CTBP2: variants seen among roughly 807,000 people sequenced by gnomAD.
The protein encoded by CTBP2 is C-terminal-binding protein 2.
CTBP2 carries 30 observed loss-of-function variants against 80.3 expected under a neutral mutation model. That is an observed-to-expected ratio of 0.37 (90% CI 0.28 to 0.51). The LOEUF is 0.51. Ranked by LOEUF, CTBP2 falls within the 20% of genes least tolerant of loss-of-function variation. The pLI is 0.93. For synonymous variants in CTBP2, 594 were observed against 587.4 expected, an observed-to-expected ratio of 1.01 and a Z score of -0.16; for missense variants, 1,212 against 1,375.3, an observed-to-expected ratio of 0.88 and a Z score of 1.88.
intron 2 of CTBP2, among the ~76,000 whole-genome samples, chr10:125,063,060 C>T (rs566215616): frequency 3.9e-5 from 6 of 152,280 alleles, no homozygotes; most frequent in Admixed American, 3.9e-4. Context: ...TCCCCAGCAG[C>T]GAGGCAGGGC....
chr10:125,014,189 G>A (rs1956234722), intron 1 of CTBP2, among the ~76,000 whole-genome samples: 1 of 152,240 alleles, frequency 6.6e-6, no homozygotes, highest in Admixed American at 6.5e-5. Context: ...GCTGGATGCA[G>A]GGACACACGG....
intron 3 of CTBP2, among the ~76,000 whole-genome samples, chr10:125,038,316 G>A (rs3781394): frequency 0.096 from 14,606 of 152,048 alleles, 779 homozygotes; most frequent in South Asian, 0.2. Flanking sequence ...GAGCCACCCT[G>A]TAGGGCAGTA....
At chr10:125,021,444 C>T (rs1242817714) in intron 1 of CTBP2, among the ~76,000 whole-genome samples, 1 of 152,172 alleles carries the variant, frequency 6.6e-6, no homozygotes, top group Non-Finnish European at 1.5e-5. Context: ...ACGGCACGTC[C>T]AGGAGCCTGA....
intron 1 of CTBP2, among the ~76,000 whole-genome samples, chr10:125,159,646 C>T (rs1183630345): frequency 1.3e-5 from 2 of 150,252 alleles, no homozygotes; most frequent in South Asian, 2.1e-4. Flanking sequence ...CCGGCAGGGG[C>T]AGCGCCCCTG....
chr10:125,120,017 T>C (rs1217502039), intron 1 of CTBP2, among the ~76,000 whole-genome samples: 2 of 152,228 alleles, frequency 1.3e-5, no homozygotes. Context: ...CTCATGCAAG[T>C]TCGATACAGA....
chr10:125,115,558 C>T (rs1853106746), intron 1 of CTBP2, among the ~76,000 whole-genome samples: 1 of 152,150 alleles, frequency 6.6e-6, no homozygotes. Flanking sequence ...AGAGAGAACC[C>T]ATGGAAGGTT....
At chr10:125,119,886 T>C (rs1405643807) in intron 1 of CTBP2, among the ~76,000 whole-genome samples, 1 of 152,258 alleles carries the variant, frequency 6.6e-6, no homozygotes, top group Admixed American at 6.5e-5. Context: ...CTGGGCTGCT[T>C]TGCCTTGCAG....
chr10:125,160,436 GC>G (rs929043878), exon 1 of CTBP2: 9 of 151,524 alleles, frequency 5.9e-5, no homozygotes, highest in East Asian at 2.0e-4. Flanking sequence ...CGGCTGTGCG[GC>G]CCCCCCTCAG....
At chr10:125,074,018 T>C (rs190886180) in intron 2 of CTBP2, among the ~76,000 whole-genome samples, 214 of 152,288 alleles carry the variant, frequency 1.4e-3, no homozygotes, top group African/African-American at 4.9e-3. Context: ...GCTGTATCTC[T>C]CCCCCTCAGC....
chr10:125,120,677 A>G (rs1180963259), intron 1 of CTBP2, among the ~76,000 whole-genome samples: 1 of 152,186 alleles, frequency 6.6e-6, no homozygotes, highest in Non-Finnish European at 1.5e-5. Context: ...GTGAGCCACC[A>G]GCCAACAACA....
In CTBP2 at chr10:124,984,690, C is replaced by A. The variant is rs1030361663; in HGVS notation, c.*4828G>T. The A allele has an allele frequency of 7.2e-7, 1 of 1,380,874 alleles. No individual in the cohort carries two copies. The allele number at this position is 1,380,874 out of a possible 1,614,324, so 85.5% of individuals were successfully genotyped here. Reference sequence around the variant, plus strand: ...TTGGCCTTTTCATGAGTTAGCATACCAGCTGTAGGTTTCCATGTCACATTC... The same window carrying A: ...TTGGCCTTTTCATGAGTTAGCATACAAGCTGTAGGTTTCCATGTCACATTC... On this transcript the variant is annotated 3_prime_UTR_variant, in exon 9 of 9. Transcript: ENST00000309035.
chr10:125,036,160 A>ATT (rs1958845411), intron 3 of CTBP2, among the ~76,000 whole-genome samples: 1 of 152,182 alleles, frequency 6.6e-6, no homozygotes, highest in South Asian at 2.1e-4. Context: ...ACACAGAAGG[A>ATT]TCAAGCTCCA....
chr10:125,026,057 AGGGCAGGCG>A, intron 1 of CTBP2: 1 of 1,537,140 alleles, frequency 6.5e-7, no homozygotes, highest in South Asian at 1.3e-5. Flanking sequence ...GTCCCCAGGC[AGGGCAGGCG>A]GGGAGGATGT....
chr10:125,123,261 C>A (rs1196401889), intron 1 of CTBP2, among the ~76,000 whole-genome samples: 1 of 152,150 alleles, frequency 6.6e-6, no homozygotes, highest in Non-Finnish European at 1.5e-5. Context: ...AGAGACCTAC[C>A]CGTGCTAAAA....
At chr10:125,129,331 G>C (rs11245512) in intron 1 of CTBP2, among the ~76,000 whole-genome samples, 15 of 152,122 alleles carry the variant, frequency 9.9e-5, no homozygotes, top group Middle Eastern at 3.4e-3. Flanking sequence ...GCGTGTGTTA[G>C]AACTAACCAA....
intron 1 of CTBP2, among the ~76,000 whole-genome samples, chr10:125,007,620 A>G (rs1489434375): frequency 6.6e-6 from 1 of 152,178 alleles, no homozygotes; most frequent in Admixed American, 6.5e-5. Flanking sequence ...ACAGGCCTGG[A>G]GTTGACCTTC....
At chr10:125,138,789 G>A (rs1387969969) in intron 1 of CTBP2, among the ~76,000 whole-genome samples, 3 of 152,086 alleles carry the variant, frequency 2.0e-5, no homozygotes, top group South Asian at 2.1e-4. Flanking sequence ...TTCACCCTGC[G>A]ACCTTGATTC....
intron 2 of CTBP2, among the ~76,000 whole-genome samples, chr10:125,077,143 T>C (rs745687699): frequency 2.0e-5 from 3 of 152,144 alleles, no homozygotes; most frequent in Non-Finnish European, 4.4e-5. Flanking sequence ...CAAGGTTTTA[T>C]AAGTTAAATA....
intron 2 of CTBP2, among the ~76,000 whole-genome samples, chr10:125,089,854 G>A (rs1848510741): frequency 6.6e-6 from 1 of 152,200 alleles, no homozygotes; most frequent in Non-Finnish European, 1.5e-5. Flanking sequence ...TGTCACAGGA[G>A]GGTTCTCATC....
Sources: allele counts gnomAD v4.1 joint callset (sites outside exome capture counted in the v4.1 genomes callset), GRCh38; gene constraint gnomAD v4.1.1; transcripts MANE v1.5; gene names NCBI Gene and HGNC (gene_info 2026-07-23, HGNC 2026-07-21).